The following SYN3 variants were observed in gnomAD, a reference collection of about 807,000 sequenced individuals.
SYN3 encodes synapsin III.
Under a neutral mutation model 65.8 loss-of-function variants are expected in SYN3, and 35 were observed. The ratio of observed to expected loss-of-function variants is 0.53; its 90% CI spans 0.41 to 0.70. The LOEUF (loss-of-function observed/expected upper bound fraction) is 0.70. SYN3 is among the 30% of genes least tolerant of loss of function. The pLI, the probability that SYN3 is intolerant of heterozygous loss-of-function variation, is 0.00. For synonymous variants in SYN3, 270 were observed against 292.9 expected (o/e 0.92, Z 0.80); for missense variants, 680 against 749.0 (o/e 0.91, Z 1.08).
chr22:32,748,851 C>T (rs2045022314), intron 6 of SYN3, among the ~76,000 whole-genome samples: 1 of 152,324 alleles, frequency 6.6e-6, no homozygotes, highest in East Asian at 1.9e-4. Context: ...CTCCCTCGGC[C>T]TTCCTGAGCC....
At chr22:32,596,635 G>T (rs752159049) in intron 7 of SYN3, 39 bp downstream of exon 7, 1 of 1,607,556 alleles carries the variant, frequency 6.2e-7, no homozygotes, top group Non-Finnish European at 8.5e-7. Context: ...GGGAATCTCT[G>T]GGTGTGTCCA....
chr22:32,798,531 C>T, intron 6 of SYN3, among the ~76,000 whole-genome samples: 1 of 152,038 alleles, frequency 6.6e-6, no homozygotes, highest in East Asian at 1.9e-4. Context: ...CTCACCTTTC[C>T]TAGAAAAGTT....
At chr22:32,744,068 C>T (rs1435730112) in intron 6 of SYN3, among the ~76,000 whole-genome samples, 1 of 152,152 alleles carries the variant, frequency 6.6e-6, no homozygotes, top group African/African-American at 2.4e-5. Flanking sequence ...ACCCCTTGCT[C>T]TCACTCCCCC....
At chr22:32,651,416 G>T (rs1043978756) in intron 6 of SYN3, among the ~76,000 whole-genome samples, 3 of 152,136 alleles carry the variant, frequency 2.0e-5, no homozygotes, top group Non-Finnish European at 4.4e-5. Context: ...TGGCCTCTGG[G>T]TAGGGTTGTT....
At position 32,914,742 on chromosome 22, in the gene SYN3, C is replaced by T. The variant is rs144247332; in HGVS notation, c.461+16648G>A. The stretch of plus-strand genomic sequence containing the variant: ...CAGACGTGAACCACCATGCCTGGCC[C>T]ATGTGGAGTTGTTTTGAGGATTAAG... On this transcript the variant is annotated intron_variant, in intron 4 of 13. Coordinates refer to ENST00000358763, the MANE Select transcript of SYN3 (RefSeq NM_003490.4). Among the ~76,000 whole-genome samples the T allele has an allele frequency of 7.9e-3, 1,197 of 152,206 alleles. 20 individuals carry two copies. Among genetic ancestry groups the T allele is most frequent in the South Asian group, 0.063 (304 of 4,820 alleles).
chr22:32,921,091 C>G (rs1448364895), intron 4 of SYN3, among the ~76,000 whole-genome samples: 1 of 152,168 alleles, frequency 6.6e-6, no homozygotes, highest in Non-Finnish European at 1.5e-5. Context: ...GCCCCTCACA[C>G]TCCTCCATAA....
intron 1 of SYN3, among the ~76,000 whole-genome samples, chr22:33,044,589 G>A (rs570066379): frequency 2.0e-5 from 3 of 151,668 alleles, no homozygotes; most frequent in Admixed American, 6.6e-5. Flanking sequence ...CCAGACCTTC[G>A]CTTCTGCTTG....
chr22:33,052,482 G>A (rs1320302649), intron 1 of SYN3, among the ~76,000 whole-genome samples: 2 of 152,048 alleles, frequency 1.3e-5, no homozygotes, highest in Admixed American at 1.3e-4. Context: ...GAGGAAAGGA[G>A]GAGAGTATGG....
Position 32,801,407 on chromosome 22 carries a change from G to A in SYN3, c.711+63508C>T, listed in dbSNP as rs2046570916. On this transcript the variant is annotated intron_variant, in intron 6 of 13. Transcript: ENST00000358763. This position sits in a 1 kb window ranked among gnomAD's most constrained non-coding sequence, Gnocchi z 4.7. ...TGGCCCAGGTGGGCGTGGGGCCAGG[G>A]CGCAGACGAGAAGGGGCACGAGGGC... Among the ~76,000 whole-genome samples the A allele has an allele frequency of 6.6e-6, 1 of 152,236 alleles. No homozygotes were observed. Among genetic ancestry groups the A allele is most frequent in the African/African-American group, 2.4e-5 (1 of 41,468 alleles).
At chr22:32,573,809 G>A (rs1467723312) in intron 7 of SYN3, among the ~76,000 whole-genome samples, 6 of 140,898 alleles carry the variant, frequency 4.3e-5, no homozygotes, top group Admixed American at 3.7e-4. Flanking sequence ...TCGCTGTGTC[G>A]CCCAGGCTGG....
intron 3 of SYN3, among the ~76,000 whole-genome samples, chr22:32,947,031 T>C (rs924281616): frequency 2.6e-5 from 4 of 152,198 alleles, no homozygotes; most frequent in Non-Finnish European, 5.9e-5. Context: ...TCTTTAAATA[T>C]GTACTTGGAG....
chr22:32,887,066 CA>C (rs911791721), intron 4 of SYN3, among the ~76,000 whole-genome samples: 9 of 152,176 alleles, frequency 5.9e-5, no homozygotes, highest in Middle Eastern at 3.2e-3. Flanking sequence ...TTTGAAGTAA[CA>C]AGCTGCCATG....
chr22:32,892,667 A>G (rs2049484948), intron 4 of SYN3, among the ~76,000 whole-genome samples: 2 of 152,196 alleles, frequency 1.3e-5, no homozygotes, highest in Admixed American at 1.3e-4. Flanking sequence ...GTGGACATAT[A>G]AACTGGATAC....
In SYN3 at chr22:32,895,987, A is replaced by G. The variant is rs2049582615; in HGVS notation, c.462-26862T>C. Among the ~76,000 whole-genome samples the G allele has an allele frequency of 2.0e-5, 3 of 152,240 alleles. No homozygotes were observed. In the South Asian group the frequency reaches 6.2e-4, roughly 32 times the overall value. Reference sequence around the variant, plus strand: ...TAGTTAATCCACGTAAGGCCCTTAGAATAGTGCTCAGCACATAGAAAAATG... The same window carrying G: ...TAGTTAATCCACGTAAGGCCCTTAGGATAGTGCTCAGCACATAGAAAAATG... On this transcript the variant is annotated intron_variant, in intron 4 of 13. Transcript: ENST00000358763.
intron 1 of SYN3, 56 bp from the exon 2 acceptor site, chr22:33,006,880 A>C: frequency 2.2e-6 from 1 of 462,456 alleles, no homozygotes. Flanking sequence ...CCTTAAGAGC[A>C]AACAGATACA....
At chr22:32,814,097 A>G (rs2046990382) in intron 6 of SYN3, among the ~76,000 whole-genome samples, 1 of 136,368 alleles carries the variant, frequency 7.3e-6, no homozygotes, top group East Asian at 2.3e-4. Flanking sequence ...CAGCCTTTCC[A>G]GGCAATACTC....
chr22:32,951,909 C>T (rs867994934), intron 3 of SYN3, among the ~76,000 whole-genome samples: 1 of 152,198 alleles, frequency 6.6e-6, no homozygotes, highest in South Asian at 2.1e-4. Context: ...CTCCTCCATT[C>T]GGCCTCTTCT....
chr22:32,570,583 G>A (rs1444267589), intron 7 of SYN3, among the ~76,000 whole-genome samples: 1 of 151,896 alleles, frequency 6.6e-6, no homozygotes, highest in Non-Finnish European at 1.5e-5. Flanking sequence ...TCAGGAGGGA[G>A]GGAGAGGGTG....
chr22:32,694,630 C>T (rs561532382), intron 6 of SYN3, among the ~76,000 whole-genome samples: 36 of 152,274 alleles, frequency 2.4e-4, no homozygotes, highest in African/African-American at 7.2e-4. Flanking sequence ...GATATGAAAT[C>T]GTGTACAGGC....
Sources: allele counts gnomAD v4.1 joint callset (sites outside exome capture counted in the v4.1 genomes callset), GRCh38; gene constraint gnomAD v4.1.1; non-coding constraint Gnocchi (gnomAD v3.1); transcripts MANE v1.5; gene names NCBI Gene and HGNC (gene_info 2026-07-23, HGNC 2026-07-21).